Variants in NAALADL2 observed in about 807,000 individuals in gnomAD.
NAALADL2 encodes the protein N-acetylated alpha-linked acidic dipeptidase like 2.
Under a neutral mutation model 87.2 loss-of-function variants are expected in NAALADL2, and 76 were observed. The observed-to-expected ratio is 0.87, with a 90% CI of 0.72 to 1.05. The LOEUF (loss-of-function observed/expected upper bound fraction) is 1.05. Among genes scored for constraint, NAALADL2 ranks in the 50% least tolerant of loss-of-function variants. The probability of loss-of-function intolerance (pLI) is 0.00; values close to 1 mark genes in which losing one functional copy is unlikely to be tolerated. For missense variants in NAALADL2, 1,089 were observed against 945.8 expected, an observed-to-expected ratio of 1.15 and a Z score of -1.99; for synonymous variants, 354 against 331.0, an observed-to-expected ratio of 1.07 and a Z score of -0.75.
At position 175,679,277 on chromosome 3, in the gene NAALADL2, T is replaced by TAA. The variant is rs77297220; in HGVS notation, c.1896+51908_1896+51909dup. On this transcript the variant is annotated intron_variant, in intron 11 of 13. Coordinates refer to ENST00000454872, the MANE Select transcript of NAALADL2 (RefSeq NM_207015.3). ...TGTACCCTAGAACTTAAAGTATAGT[T>TAA]AAAAAAAAAAAAAAAAAAGAATGTT... 1.1e-4 allele frequency among the ~76,000 whole-genome samples: 14 copies of TAA among 132,168 alleles called. No individual in the cohort carries two copies. The East Asian group carries it at 1.3e-3, about 13-fold the overall frequency. The allele number at this position is 132,168 out of a possible 152,430, so 86.7% of individuals were successfully genotyped here.
chr3:174,836,227 C>T (rs928882645), intron 3 of NAALADL2, among the ~76,000 whole-genome samples: 1 of 152,072 alleles, frequency 6.6e-6, no homozygotes, highest in East Asian at 1.9e-4. Flanking sequence ...GTGAAATAAG[C>T]TAGTCGCAAA....
rs138601250 is a variant in NAALADL2, at chr3:175,311,945, T to C, written c.940-12230T>C. Reference sequence around the variant, plus strand: ...TGAAATCCTAATTAAAGGTGTTCAGTGAATTTGAAGAAGAATGATGTGATT... The same window carrying C: ...TGAAATCCTAATTAAAGGTGTTCAGCGAATTTGAAGAAGAATGATGTGATT... On this transcript the variant is annotated intron_variant, in intron 4 of 13. Coordinates refer to ENST00000454872, the MANE Select transcript of NAALADL2 (RefSeq NM_207015.3). Among the ~76,000 whole-genome samples the C allele has an allele frequency of 8.0e-3, 1,214 of 152,256 alleles. 21 individuals carry two copies. Among genetic ancestry groups the C allele is most frequent in the African/African-American group, 0.028 (1,156 of 41,544 alleles).
intron 1 of NAALADL2, among the ~76,000 whole-genome samples, chr3:174,875,335 C>T (rs992333515): frequency 2.6e-5 from 4 of 151,870 alleles, no homozygotes; most frequent in African/African-American, 9.7e-5. Context: ...AAAGAGTAGA[C>T]TTTGGAGGGT....
At chr3:174,897,160 A>C (rs776509501) in intron 1 of NAALADL2, among the ~76,000 whole-genome samples, 1 of 152,310 alleles carries the variant, frequency 6.6e-6, no homozygotes, top group Non-Finnish European at 1.5e-5. Flanking sequence ...GCAAACATGG[A>C]CAAATTGAAT....
intron 2 of NAALADL2, among the ~76,000 whole-genome samples, chr3:174,616,347 A>G (rs1168147102): frequency 6.6e-6 from 1 of 151,968 alleles, no homozygotes; most frequent in Non-Finnish European, 1.5e-5. Flanking sequence ...CACACTGAAG[A>G]CCTTTGAAAC....
chr3:175,228,816 A>T, intron 2 of NAALADL2, among the ~76,000 whole-genome samples: 1 of 151,946 alleles, frequency 6.6e-6, no homozygotes, highest in South Asian at 2.1e-4. Context: ...GTATATTACA[A>T]ATCAAAATCA....
rs910646546 is a variant in NAALADL2 at position 175,765,592 on chromosome 3, T to A, written c.2189+10174T>A. Among the ~76,000 whole-genome samples, 4 of 152,250 alleles carry A rather than the reference T, an allele frequency of 2.6e-5. No individual in the cohort carries two copies. In the East Asian group the frequency reaches 7.7e-4, roughly 29 times the overall value. On this transcript the variant is annotated intron_variant, in intron 13 of 13. Coordinates refer to ENST00000454872, the MANE Select transcript of NAALADL2 (RefSeq NM_207015.3). ...AAATAGAAATACTTGTGTGTATAACTGTTTGGATTTTATAAAAATGTTTCT... is the reference window on the plus strand; with the variant it reads ...AAATAGAAATACTTGTGTGTATAACAGTTTGGATTTTATAAAAATGTTTCT...
chr3:175,777,784 C>T (rs1750447215), intron 13 of NAALADL2, among the ~76,000 whole-genome samples: 1 of 152,130 alleles, frequency 6.6e-6, no homozygotes, highest in African/African-American at 2.4e-5. Context: ...AAAAGTCTTT[C>T]ATCAGTATCT....
rs944859424 is a variant in NAALADL2 at position 174,903,049 on chromosome 3, C to T, written c.43+43599C>T. Among the ~76,000 whole-genome samples, 3 of 151,924 alleles carry T rather than the reference C, an allele frequency of 2.0e-5. No individual in the cohort carries two copies. In the South Asian group the frequency reaches 6.2e-4, roughly 31 times the overall value. On this transcript the variant is annotated intron_variant, in intron 1 of 13. Transcript: ENST00000454872. ...GTATTCTTAATATAAGAAGCTATTT[C>T]TAATTTCTCAAGTTTTCCCCCCCAA...
At chr3:174,590,583 T>A (rs1409917821) in intron 2 of NAALADL2, among the ~76,000 whole-genome samples, 1 of 152,202 alleles carries the variant, frequency 6.6e-6, no homozygotes, top group Non-Finnish European at 1.5e-5. Flanking sequence ...AACAAAACAC[T>A]ATCCACAGTT....
At chr3:174,893,445 G>A (rs1022623625) in intron 1 of NAALADL2, among the ~76,000 whole-genome samples, 3 of 152,150 alleles carry the variant, frequency 2.0e-5, no homozygotes, top group African/African-American at 7.2e-5. Context: ...ATAATTCTAA[G>A]TAGAAAGACT....
At chr3:175,701,808 A>G (rs554450931) in intron 11 of NAALADL2, among the ~76,000 whole-genome samples, 1 of 152,220 alleles carries the variant, frequency 6.6e-6, no homozygotes, top group Non-Finnish European at 1.5e-5. Context: ...ACAGGATGGC[A>G]TTATTGTAAT....
chr3:175,327,380 C>T (rs1037261163), intron 5 of NAALADL2, among the ~76,000 whole-genome samples: 1 of 152,158 alleles, frequency 6.6e-6, no homozygotes, highest in African/African-American at 2.4e-5. Context: ...TAGTCTCGAT[C>T]TCTTGACCTC....
At chr3:174,752,411 T>C (rs916901536) in intron 3 of NAALADL2, among the ~76,000 whole-genome samples, 7 of 152,212 alleles carry the variant, frequency 4.6e-5, no homozygotes, top group Non-Finnish European at 7.3e-5. Context: ...AATTCAGTTT[T>C]GGTAAAGCAC....
At chr3:175,290,123 T>C (rs902951388) in intron 4 of NAALADL2, among the ~76,000 whole-genome samples, 1 of 152,192 alleles carries the variant, frequency 6.6e-6, no homozygotes, top group Admixed American at 6.5e-5. Context: ...TGTAAAATAA[T>C]ACAATTTCTT....
At chr3:175,148,758 A>G (rs756396569) in intron 2 of NAALADL2, among the ~76,000 whole-genome samples, 2 of 152,062 alleles carry the variant, frequency 1.3e-5, no homozygotes, top group African/African-American at 2.4e-5. Flanking sequence ...CCATAAGTGT[A>G]CAGTTTTATT....
intron 5 of NAALADL2, among the ~76,000 whole-genome samples, chr3:175,413,397 C>T (rs767813437): frequency 2.6e-5 from 4 of 150,946 alleles, no homozygotes; most frequent in Non-Finnish European, 4.4e-5. Flanking sequence ...CGGTGAAACC[C>T]CATCTCTACT....
chr3:175,581,014 T>A (rs1170414710), intron 10 of NAALADL2: 4 of 168,802 alleles, frequency 2.4e-5, no homozygotes, highest in African/African-American at 9.6e-5. Flanking sequence ...ATTACATTGT[T>A]ATAATTATTA....
intron 2 of NAALADL2, among the ~76,000 whole-genome samples, chr3:175,121,669 C>T (rs1173719323): frequency 6.6e-6 from 1 of 151,790 alleles, no homozygotes; most frequent in Non-Finnish European, 1.5e-5. Context: ...TTTGGGCCAA[C>T]AGGCTTCCAC....
Sources: allele counts gnomAD v4.1 joint callset (sites outside exome capture counted in the v4.1 genomes callset), GRCh38; gene constraint gnomAD v4.1.1; transcripts MANE v1.5; gene names NCBI Gene and HGNC (gene_info 2026-07-23, HGNC 2026-07-21).